The following GPM6A variants were observed in gnomAD, a reference collection of about 807,000 sequenced individuals.
The protein encoded by GPM6A is glycoprotein M6A.
A neutral mutation model predicts 32.1 loss-of-function variants in GPM6A; 7 were observed. The observed-to-expected ratio is 0.22, with a 90% CI of 0.12 to 0.41. GPM6A has a LOEUF of 0.41. Among genes scored for constraint, GPM6A ranks in the 10% least tolerant of loss-of-function variants. The pLI, the probability that GPM6A is intolerant of heterozygous loss-of-function variation, is 1.00. For synonymous variants in GPM6A, 130 were observed against 123.4 expected (o/e 1.05, Z -0.35); for missense variants, 235 against 347.2 (o/e 0.68, Z 2.57).
intron 1 of GPM6A, among the ~76,000 whole-genome samples, chr4:175,932,329 C>A (rs1182503802): frequency 3.9e-5 from 6 of 152,114 alleles, no homozygotes; most frequent in Non-Finnish European, 7.4e-5. Flanking sequence ...TGCCCTCTTG[C>A]CTTCCATCTT....
At chr4:175,829,121 G>C (rs1422675885) in intron 1 of GPM6A, among the ~76,000 whole-genome samples, 1 of 152,082 alleles carries the variant, frequency 6.6e-6, no homozygotes, top group Non-Finnish European at 1.5e-5. Context: ...TTGTAGACTG[G>C]GTTTTGCCAT....
At chr4:175,747,423 A>G (rs960220450) in intron 1 of GPM6A, among the ~76,000 whole-genome samples, 1 of 152,128 alleles carries the variant, frequency 6.6e-6, no homozygotes, top group African/African-American at 2.4e-5. Context: ...TGCTTTAAAT[A>G]GCTCTAAATA....
chr4:175,987,136 C>G (rs767179623), intron 1 of GPM6A, among the ~76,000 whole-genome samples: 1 of 152,150 alleles, frequency 6.6e-6, no homozygotes, highest in Non-Finnish European at 1.5e-5. Context: ...TATTATTATA[C>G]CAAGTACCAT....
chr4:175,749,881 A>C (rs1732253266), intron 1 of GPM6A, among the ~76,000 whole-genome samples: 1 of 152,088 alleles, frequency 6.6e-6, no homozygotes, highest in Non-Finnish European at 1.5e-5. Flanking sequence ...AGCTGCCCCC[A>C]CATCATCTAT....
intron 2 of GPM6A, among the ~76,000 whole-genome samples, chr4:175,684,133 A>G (rs1391527053): frequency 1.3e-5 from 2 of 152,036 alleles, no homozygotes; most frequent in Non-Finnish European, 2.9e-5. Context: ...CCGGCCTTAC[A>G]TTTTTTAATA....
intron 1 of GPM6A, among the ~76,000 whole-genome samples, chr4:175,928,667 C>T (rs1738927402): frequency 6.6e-6 from 1 of 152,206 alleles, no homozygotes; most frequent in Admixed American, 6.5e-5. Flanking sequence ...GTGCAGAGAA[C>T]TGAAAATGCA....
intron 1 of GPM6A, among the ~76,000 whole-genome samples, chr4:175,861,444 A>G (rs538768579): frequency 3.3e-5 from 5 of 151,790 alleles, no homozygotes; most frequent in African/African-American, 1.2e-4. Flanking sequence ...CTAAAAAAAA[A>G]AACAACTTTG....
At chr4:175,965,420 G>GA (rs1007146182) in intron 1 of GPM6A, among the ~76,000 whole-genome samples, 1 of 151,578 alleles carries the variant, frequency 6.6e-6, no homozygotes, top group Non-Finnish European at 1.5e-5. Context: ...GTAAGCAGCA[G>GA]AAAAAAATAA....
chr4:175,721,126 A>T (rs140056749), intron 1 of GPM6A, among the ~76,000 whole-genome samples: 6,884 of 126,910 alleles, frequency 0.054, 355 homozygotes, highest in East Asian at 0.28. Context: ...TTCTATTTTT[A>T]AAAAGAATAT....
chr4:175,817,279 G>A (rs1181496013), intron 1 of GPM6A, among the ~76,000 whole-genome samples: 1 of 152,216 alleles, frequency 6.6e-6, no homozygotes. Context: ...TTCACAGAAT[G>A]ATCGTGGTGT....
At chr4:175,917,733 A>G (rs1251834259) in intron 1 of GPM6A, among the ~76,000 whole-genome samples, 1 of 152,124 alleles carries the variant, frequency 6.6e-6, no homozygotes, top group East Asian at 1.9e-4. Flanking sequence ...GAGTCGGTGC[A>G]AAAAACACAT....
intron 1 of GPM6A, among the ~76,000 whole-genome samples, chr4:175,716,154 G>A (rs1450473889): frequency 1.3e-5 from 2 of 152,216 alleles, no homozygotes; most frequent in Non-Finnish European, 2.9e-5. Context: ...GTTAATATTT[G>A]TTGAATAAAT....
At chr4:175,900,677 T>G (rs1243710748) in intron 1 of GPM6A, among the ~76,000 whole-genome samples, 2 of 152,170 alleles carry the variant, frequency 1.3e-5, no homozygotes, top group Non-Finnish European at 2.9e-5. Flanking sequence ...TTGGTGGGAA[T>G]ATACACTAGT....
chr4:175,929,390 T>C, intron 1 of GPM6A, among the ~76,000 whole-genome samples: 1 of 152,208 alleles, frequency 6.6e-6, no homozygotes, highest in East Asian at 1.9e-4. Flanking sequence ...TAGGGGCCGT[T>C]GTTACAGGTC....
At chr4:175,993,760 C>A (rs1406891532) in intron 1 of GPM6A, among the ~76,000 whole-genome samples, 1 of 151,976 alleles carries the variant, frequency 6.6e-6, no homozygotes, top group Non-Finnish European at 1.5e-5. Flanking sequence ...GACATGACCC[C>A]AAATAATGAA....
At chr4:175,812,527 C>G (rs1166898216), upstream of GPM6A, 1 of 1,091,030 alleles carries the variant, frequency 9.2e-7, no homozygotes, top group South Asian at 4.4e-5. Flanking sequence ...GGTATTCAAA[C>G]AAATAGCCTG....
intron 1 of GPM6A, among the ~76,000 whole-genome samples, chr4:175,858,968 A>T (rs556030670): frequency 6.6e-6 from 1 of 152,338 alleles, no homozygotes; most frequent in East Asian, 1.9e-4. Context: ...AAGAAGCAAA[A>T]AAGGGTACAT....
At chr4:175,892,832 C>T (rs1462164120) in intron 1 of GPM6A, among the ~76,000 whole-genome samples, 6 of 152,184 alleles carry the variant, frequency 3.9e-5, no homozygotes. Flanking sequence ...AGATTTTTAC[C>T]TATATTGTTC....
intron 1 of GPM6A, among the ~76,000 whole-genome samples, chr4:175,987,050 A>G (rs1466779708): frequency 6.6e-6 from 1 of 152,182 alleles, no homozygotes. Context: ...AGGAATTTCA[A>G]CTACTGTCTT....
Sources: gnomAD v4.1 joint callset for allele counts (sites outside exome capture counted in the v4.1 genomes callset) on GRCh38, gnomAD v4.1.1 for gene constraint, MANE v1.5 for transcripts, NCBI Gene and HGNC (gene_info 2026-07-23, HGNC 2026-07-21) for gene names.